LNPK: variants seen among roughly 807,000 people sequenced by gnomAD.
LNPK encodes the protein lunapark, ER junction formation factor, also known as endoplasmic reticulum junction formation protein lunapark.
In LNPK, 29 loss-of-function variants were observed where a neutral mutation model predicts 55.2. That is an observed-to-expected ratio of 0.53 (90% CI 0.39 to 0.72). LNPK has a LOEUF of 0.72. Ranked by LOEUF, LNPK falls within the 30% of genes least tolerant of loss-of-function variation. The probability of loss-of-function intolerance (pLI) is 0.00; values close to 1 mark genes in which losing one functional copy is unlikely to be tolerated. For missense variants in LNPK, 467 were observed against 494.8 expected (o/e 0.94, Z 0.53); for synonymous variants, 162 against 168.2 (o/e 0.96, Z 0.29).
chr2:175,982,451 A>T (rs1441526020), intron 4 of LNPK, among the ~76,000 whole-genome samples: 2 of 152,244 alleles, frequency 1.3e-5, no homozygotes, highest in Admixed American at 1.3e-4. Flanking sequence ...CTCCTAGATA[A>T]CATAAGCTAT....
chr2:175,936,961 C>A (rs898853914), intron 12 of LNPK, among the ~76,000 whole-genome samples: 1 of 152,062 alleles, frequency 6.6e-6, no homozygotes, highest in Non-Finnish European at 1.5e-5. Context: ...CCTATTTTAT[C>A]AATATTAATC....
rs1684121050 is a variant in LNPK, at chr2:175,928,561, A to G, written c.*1406T>C. ...ACATATGAGATATTAAATCATAAAA[A>G]TAGATTTTTAAATGATAAAAATGTT... On this transcript the variant is annotated 3_prime_UTR_variant, in exon 13 of 13. Coordinates refer to ENST00000272748, the MANE Select transcript of LNPK (RefSeq NM_030650.3). 2 of 151,926 alleles carry G rather than the reference A, an allele frequency of 1.3e-5. No homozygotes were observed. Among genetic ancestry groups the G allele is most frequent in the Non-Finnish European group, 2.9e-5 (2 of 67,954 alleles). The allele number at this position is 151,926 out of a possible 1,614,324, so 9.4% of individuals were successfully genotyped here.
At chr2:175,993,524 A>G (rs1687793732) in intron 2 of LNPK, among the ~76,000 whole-genome samples, 2 of 152,212 alleles carry the variant, frequency 1.3e-5, no homozygotes, top group Admixed American at 1.3e-4. Context: ...CTAGAAAGAA[A>G]CAAATTTTGG....
chr2:175,945,725 T>C (rs531733578), intron 9 of LNPK, among the ~76,000 whole-genome samples: 2 of 152,318 alleles, frequency 1.3e-5, no homozygotes, highest in African/African-American at 4.8e-5. Flanking sequence ...ATATTTAAAG[T>C]GAACATATCC....
At chr2:175,998,438 G>C (rs1186689630) in intron 1 of LNPK, among the ~76,000 whole-genome samples, 2 of 126,450 alleles carry the variant, frequency 1.6e-5, no homozygotes, top group Non-Finnish European at 3.3e-5. Flanking sequence ...GCGAGACTCC[G>C]TCTCACAAAA....
intron 4 of LNPK, among the ~76,000 whole-genome samples, chr2:175,985,211 GA>G (rs1226170170): frequency 6.6e-6 from 1 of 152,212 alleles, no homozygotes; most frequent in Non-Finnish European, 1.5e-5. Flanking sequence ...AGTGGAGGAA[GA>G]TGTGTATGGC....
At chr2:175,950,415 C>T (rs1410805915) in intron 8 of LNPK, among the ~76,000 whole-genome samples, 1 of 151,808 alleles carries the variant, frequency 6.6e-6, no homozygotes, top group Non-Finnish European at 1.5e-5. Context: ...GGAATGTTCT[C>T]AACATAAATA....
chr2:175,998,041 C>A (rs1688013073), intron 1 of LNPK, among the ~76,000 whole-genome samples: 1 of 151,994 alleles, frequency 6.6e-6, no homozygotes, highest in African/African-American at 2.4e-5. Context: ...CCACGCCCGG[C>A]CCAAATACTT....
At chr2:175,960,766 C>T (rs1685981244) in intron 8 of LNPK, among the ~76,000 whole-genome samples, 1 of 152,082 alleles carries the variant, frequency 6.6e-6, no homozygotes, top group African/African-American at 2.4e-5. Flanking sequence ...ATCAATGACT[C>T]CAGGAGCTGG....
At chr2:175,946,264 C>A (rs976061964) in intron 9 of LNPK, among the ~76,000 whole-genome samples, 1 of 151,940 alleles carries the variant, frequency 6.6e-6, no homozygotes, top group Non-Finnish European at 1.5e-5. Context: ...TACATTCGCA[C>A]CCAAAAAAGT....
chr2:175,966,516 G>A (rs1574861656), intron 6 of LNPK, among the ~76,000 whole-genome samples: 2 of 152,060 alleles, frequency 1.3e-5, no homozygotes, highest in African/African-American at 4.8e-5. Context: ...CTACTTTATC[G>A]AATGATTGCA....
intron 8 of LNPK, among the ~76,000 whole-genome samples, chr2:175,962,891 G>A (rs199850112): frequency 8.6e-4 from 128 of 149,458 alleles, no homozygotes; most frequent in East Asian, 3.1e-3. Context: ...AAAAGTGGGC[G>A]AAGGACATGA....
At chr2:175,942,700 T>C (rs181565868) in intron 9 of LNPK, among the ~76,000 whole-genome samples, 2 of 151,654 alleles carry the variant, frequency 1.3e-5, no homozygotes, top group African/African-American at 4.8e-5. Context: ...AAATTTATAA[T>C]ATTAAACACC....
At chr2:175,978,930 A>G (rs1192981536) in intron 5 of LNPK, among the ~76,000 whole-genome samples, 1 of 152,130 alleles carries the variant, frequency 6.6e-6, no homozygotes, top group African/African-American at 2.4e-5. Flanking sequence ...TGTGAGCAGA[A>G]GAGAAGAGAG....
intron 8 of LNPK, among the ~76,000 whole-genome samples, chr2:175,963,884 A>G (rs1686198391): frequency 6.6e-6 from 1 of 152,050 alleles, no homozygotes; most frequent in Admixed American, 6.6e-5. Flanking sequence ...TAATATGGTA[A>G]TACAAGCTCA....
At chr2:175,933,738 T>TG (rs1395927035) in intron 12 of LNPK, among the ~76,000 whole-genome samples, 1 of 148,162 alleles carries the variant, frequency 6.7e-6, no homozygotes, top group Non-Finnish European at 1.5e-5. Context: ...AGGGTTTTTT[T>TG]TTTTTTTTTT....
intron 12 of LNPK, 119 bp from the exon 13 acceptor site, chr2:175,930,318 A>AC (rs71004249): frequency 4.5e-4 from 292 of 652,894 alleles, no homozygotes; most frequent in Admixed American, 1.3e-3. Context: ...ACACACACAC[A>AC]AAGAAACCAT....
intron 4 of LNPK, among the ~76,000 whole-genome samples, chr2:175,982,290 T>C (rs115522052): frequency 6.6e-6 from 1 of 152,178 alleles, no homozygotes; most frequent in Non-Finnish European, 1.5e-5. Flanking sequence ...GTAGGAAATG[T>C]ATAAATTTTC....
Position 175,957,338 on chromosome 2 carries a change from A to G in LNPK, c.493+7034T>C, listed in dbSNP as rs150372674. 2.2e-4 allele frequency among the ~76,000 whole-genome samples: 34 copies of G among 152,132 alleles called. No individual in the cohort carries two copies. In the Middle Eastern group the frequency reaches 0.01, roughly 46 times the overall value. On this transcript the variant is annotated intron_variant, in intron 8 of 12. Transcript: ENST00000272748. ...ACGCCACTGCACTCCAGCCTGGGTG[A>G]TACAGTGAGACTTCATCTCAAAAAA...
Sources: allele counts gnomAD v4.1 joint callset (sites outside exome capture counted in the v4.1 genomes callset), GRCh38; gene constraint gnomAD v4.1.1; transcripts MANE v1.5; gene names NCBI Gene and HGNC (gene_info 2026-07-23, HGNC 2026-07-21).